The following RALYL variants were observed in gnomAD, a reference collection of about 807,000 sequenced individuals.
The protein encoded by RALYL is RNA-binding Raly-like protein.
Under a neutral mutation model 35.1 loss-of-function variants are expected in RALYL, and 29 were observed. The observed-to-expected ratio is 0.83, with a 90% confidence interval of 0.61 to 1.13. The LOEUF (loss-of-function observed/expected upper bound fraction) is 1.13. Ranked by LOEUF, RALYL falls within the 50% of genes most tolerant of loss-of-function variation. The pLI is 0.00. For synonymous variants in RALYL, 120 were observed against 127.6 expected, an observed-to-expected ratio of 0.94 and a Z score of 0.40; for missense variants, 359 against 360.4, an observed-to-expected ratio of 1.00 and a Z score of 0.03.
intron 1 of RALYL, among the ~76,000 whole-genome samples, chr8:84,368,096 T>A (rs74966602): frequency 7.9e-5 from 12 of 152,182 alleles, no homozygotes; most frequent in Non-Finnish European, 1.8e-4. Flanking sequence ...AGAAGTTTCA[T>A]TGAGTTGATG....
At chr8:84,323,080 A>G (rs1415412113) in intron 1 of RALYL, among the ~76,000 whole-genome samples, 1 of 152,018 alleles carries the variant, frequency 6.6e-6, no homozygotes, top group Non-Finnish European at 1.5e-5. Context: ...TTCACAGAAA[A>G]TATATATTGT....
At chr8:84,184,656 C>A (rs915457456) in intron 1 of RALYL, among the ~76,000 whole-genome samples, 3 of 151,974 alleles carry the variant, frequency 2.0e-5, no homozygotes, top group African/African-American at 4.8e-5. Context: ...CCCCTCCCCC[C>A]ACCCCTCCCA....
At chr8:84,718,489 C>T (rs1036240513) in intron 2 of RALYL, among the ~76,000 whole-genome samples, 30 of 152,026 alleles carry the variant, frequency 2.0e-4, no homozygotes, top group Admixed American at 1.2e-3. Flanking sequence ...TCTGGCCGGG[C>T]GCGGTGGCTC....
intron 1 of RALYL, among the ~76,000 whole-genome samples, chr8:84,462,484 C>T (rs1217493612): frequency 2.0e-5 from 3 of 150,088 alleles, no homozygotes; most frequent in African/African-American, 7.3e-5. Flanking sequence ...CCTAAGGTCA[C>T]CTAGATTTTC....
At chr8:84,772,908 G>A (rs1217598048) in intron 2 of RALYL, among the ~76,000 whole-genome samples, 3 of 152,100 alleles carry the variant, frequency 2.0e-5, no homozygotes, top group Non-Finnish European at 4.4e-5. Context: ...TAAAGCAAGT[G>A]TGCCCAATGT....
chr8:84,781,492 A>G (rs1293733673), intron 3 of RALYL, among the ~76,000 whole-genome samples: 1 of 152,214 alleles, frequency 6.6e-6, no homozygotes, highest in East Asian at 1.9e-4. Flanking sequence ...GGCATATAGA[A>G]AGAATAGAGT....
intron 2 of RALYL, among the ~76,000 whole-genome samples, chr8:84,542,835 C>A (rs1394555470): frequency 6.6e-6 from 1 of 151,976 alleles, no homozygotes; most frequent in Admixed American, 6.6e-5. Context: ...TTCACAGTTC[C>A]CTCTCATAAT....
intron 2 of RALYL, among the ~76,000 whole-genome samples, chr8:84,774,325 T>C (rs866626332): frequency 2.6e-4 from 39 of 152,226 alleles, no homozygotes; most frequent in African/African-American, 9.4e-4. Context: ...TTAATTATTA[T>C]GTTTGTTTCT....
intron 1 of RALYL, among the ~76,000 whole-genome samples, chr8:84,189,881 T>A (rs1813442799): frequency 6.6e-6 from 1 of 152,220 alleles, no homozygotes. Context: ...CCCACACAGA[T>A]ACTCTTAACT....
intron 1 of RALYL, among the ~76,000 whole-genome samples, chr8:84,329,690 A>G (rs538915058): frequency 6.6e-6 from 1 of 152,188 alleles, no homozygotes; most frequent in Admixed American, 6.6e-5. Context: ...ACTATTTGCT[A>G]TTTTATTAAT....
intron 7 of RALYL, among the ~76,000 whole-genome samples, chr8:84,884,348 A>G (rs1842628423): frequency 6.6e-6 from 1 of 152,064 alleles, no homozygotes; most frequent in South Asian, 2.1e-4. Context: ...CAGGAAAGTC[A>G]GCTTTCCTGA....
intron 1 of RALYL, among the ~76,000 whole-genome samples, chr8:84,515,360 C>T (rs1587907885): frequency 1.3e-5 from 2 of 152,058 alleles, no homozygotes; most frequent in Non-Finnish European, 2.9e-5. Context: ...CATGTTTTTG[C>T]GTGGAGGAAT....
At chr8:84,215,611 T>C (rs1186740989) in intron 1 of RALYL, among the ~76,000 whole-genome samples, 1 of 152,136 alleles carries the variant, frequency 6.6e-6, no homozygotes, top group African/African-American at 2.4e-5. Flanking sequence ...TTTTTCTATC[T>C]GTAGCTGCTT....
intron 4 of RALYL, among the ~76,000 whole-genome samples, chr8:84,845,909 G>C (rs1321793331): frequency 6.6e-6 from 1 of 152,022 alleles, no homozygotes; most frequent in Non-Finnish European, 1.5e-5. Context: ...TTTCCTTATT[G>C]CTTAGTTTTG....
intron 8 of RALYL, among the ~76,000 whole-genome samples, chr8:84,888,169 A>G (rs938294031): frequency 2.0e-5 from 3 of 152,186 alleles, no homozygotes; most frequent in African/African-American, 7.2e-5. Flanking sequence ...ACTGATGATA[A>G]TTATTTATAC....
intron 1 of RALYL, among the ~76,000 whole-genome samples, chr8:84,470,368 G>T (rs947665668): frequency 2.6e-5 from 4 of 151,876 alleles, no homozygotes; most frequent in Admixed American, 6.6e-5. Flanking sequence ...ATATAACTTT[G>T]TAATGTTTGT....
chr8:84,801,091 G>A (rs1262157570), intron 3 of RALYL, among the ~76,000 whole-genome samples: 1 of 152,148 alleles, frequency 6.6e-6, no homozygotes, highest in Non-Finnish European at 1.5e-5. Flanking sequence ...CAGCTAAGCA[G>A]TTGGTTTCAA....
At chr8:84,683,389 G>A (rs1192894294) in intron 2 of RALYL, among the ~76,000 whole-genome samples, 1 of 152,076 alleles carries the variant, frequency 6.6e-6, no homozygotes, top group Admixed American at 6.6e-5. Context: ...TCAATTCCTG[G>A]ATAACCTTGT....
At chr8:84,792,656 A>G (rs1173174275) in intron 3 of RALYL, among the ~76,000 whole-genome samples, 1 of 152,160 alleles carries the variant, frequency 6.6e-6, no homozygotes, top group Non-Finnish European at 1.5e-5. Context: ...CCATATCAAC[A>G]GCATGTAAGG....
Sources: gnomAD v4.1 joint callset for allele counts (sites outside exome capture counted in the v4.1 genomes callset) on GRCh38, gnomAD v4.1.1 for gene constraint, MANE v1.5 for transcripts, NCBI Gene and HGNC (gene_info 2026-07-23, HGNC 2026-07-21) for gene names.